Variants in ZNF518A observed in about 807,000 individuals in gnomAD.
ZNF518A encodes zinc finger protein 518A, also known as zinc finger protein 518.
ZNF518A carries 47 observed loss-of-function variants against 102.7 expected under a neutral mutation model. That is an observed-to-expected ratio of 0.46 (90% CI 0.36 to 0.58). ZNF518A has a LOEUF of 0.58. Among genes scored for constraint, ZNF518A ranks in the 20% least tolerant of loss-of-function variants. ZNF518A has a pLI of 0.00. For synonymous variants in ZNF518A, 652 were observed against 594.6 expected (o/e 1.10, Z -1.40); for missense variants, 1,793 against 1,699.8 (o/e 1.05, Z -0.96).
At chr10:96,136,559 C>G (rs1554874499) in intron 3 of ZNF518A, among the ~76,000 whole-genome samples, 1 of 151,612 alleles carries the variant, frequency 6.6e-6, no homozygotes, top group Non-Finnish European at 1.5e-5. Context: ...CTGGCTTATG[C>G]CTGTAGTCCC....
intron 1 of ZNF518A, among the ~76,000 whole-genome samples, chr10:96,131,882 A>G (rs2081355602): frequency 6.6e-6 from 1 of 152,104 alleles, no homozygotes; most frequent in Non-Finnish European, 1.5e-5. Flanking sequence ...TAGATCTATA[A>G]TTTGACTTCA....
At chr10:96,148,125 C>G (rs1190334279) in intron 3 of ZNF518A, among the ~76,000 whole-genome samples, 1 of 152,046 alleles carries the variant, frequency 6.6e-6, no homozygotes, top group Non-Finnish European at 1.5e-5. Context: ...TCTTATATCC[C>G]TAGAAATCAA....
intron 1 of ZNF518A, among the ~76,000 whole-genome samples, chr10:96,190,909 G>T (rs782022452): frequency 3.9e-5 from 6 of 152,138 alleles, no homozygotes; most frequent in Non-Finnish European, 7.4e-5. Flanking sequence ...CTGGCTTTTA[G>T]TCTAGCTTTG....
chr10:96,163,973 CTG>C (rs1377460903), downstream of ZNF518A, among the ~76,000 whole-genome samples: 2 of 152,132 alleles, frequency 1.3e-5, no homozygotes, highest in Admixed American at 6.5e-5. Flanking sequence ...AGTGAAGAGA[CTG>C]TAAATGTAAT....
chr10:96,159,800 C>T lies in ZNF518A; in HGVS notation c.3478C>T (p.Leu1160=), dbSNP rs267602648. 8 of 1,613,528 alleles carry T rather than the reference C, an allele frequency of 5.0e-6. No individual in the cohort carries two copies. The African/African-American group carries it at 1.1e-4, about 22-fold the overall frequency. The change falls in exon 6 of 6, where the codon CTG becomes TTG. Residue 1160 remains leucine (L), a synonymous_variant. Transcript: ENST00000316045. The stretch of plus-strand genomic sequence containing the variant: ...TTTAAATGTGACTGCTGCTAATAAT[C>T]TGTCAGTAAGCAACTCTGCATCCTC... ...PVLNVTAANN[L]SVSNSASSLQ...
intron 1 of ZNF518A, chr10:96,189,983 T>C (rs1365623916): frequency 1.1e-5 from 9 of 838,102 alleles, no homozygotes; most frequent in Non-Finnish European, 1.8e-5. Context: ...TACAGACATT[T>C]TCAAAGGTGC....
chr10:96,173,915 C>G (rs2083188175), intron 1 of ZNF518A, among the ~76,000 whole-genome samples: 1 of 152,000 alleles, frequency 6.6e-6, no homozygotes, highest in South Asian at 2.1e-4. Flanking sequence ...AGTGTGTTCT[C>G]CAACCACAAT....
In ZNF518A at chr10:96,160,166, A is replaced by G; in HGVS notation, c.3844A>G (p.Arg1282Gly). ...AAACAGAAACTGTAAACGAAAGTGT[A>G]GGGATAGTTACCAAGAACCTCCAAG... ...SRNRNCKRKC[R>G]DSYQEPPRRK... Residue 1282 changes from arginine to glycine, a missense_variant, in exon 6 of 6, where the codon AGG becomes GGG. Physicochemically the swap from Arg to Gly is moderately radical, Grantham distance 125. Around this residue, in one of 3 missense-constraint regions of ZNF518A, gnomAD observed 1,741 missense variants for 1,622.6 expected, o/e 1.07. Coordinates refer to ENST00000316045, the MANE Select transcript of ZNF518A (RefSeq NM_001330736.2). 5 of 1,609,730 alleles carry G rather than the reference A, an allele frequency of 3.1e-6. No homozygotes were observed. Among genetic ancestry groups the G allele is most frequent in the Non-Finnish European group, 4.2e-6 (5 of 1,178,134 alleles).
chr10:96,145,071 T>TTGTTGTTGTTGTTGTTGTTGA (rs2082109876), intron 3 of ZNF518A, among the ~76,000 whole-genome samples: 1 of 151,924 alleles, frequency 6.6e-6, no homozygotes, highest in East Asian at 1.9e-4. Context: ...TGTTTTGTTG[T>TTGTTGTTGTTGTTGTTGTTGA]TGTTGTTGTT....
rs587735884 is a variant in ZNF518A at position 96,192,711 on chromosome 10, T to G, written n.36-10863T>G. The stretch of plus-strand genomic sequence containing the variant: ...TATTTTTCCAAATTTTGATCCTTGT[T>G]GTCTATGGGTTTTAATTTAAAATTA... On this transcript the variant is annotated intron_variant and non_coding_transcript_variant, in intron 1 of 2. Transcript: ENST00000442635. Among the ~76,000 whole-genome samples the G allele has an allele frequency of 5.9e-5, 9 of 152,306 alleles. No individual in the cohort carries two copies. The East Asian group carries it at 1.7e-3, about 29-fold the overall frequency.
chr10:96,194,277 G>A (rs587663360), intron 1 of ZNF518A, among the ~76,000 whole-genome samples: 3 of 152,250 alleles, frequency 2.0e-5, no homozygotes, highest in South Asian at 4.2e-4. Context: ...ATGATAATGC[G>A]GTCTACATTT....
chr10:96,136,698 T>C (rs187274283), intron 3 of ZNF518A, among the ~76,000 whole-genome samples: 1 of 152,120 alleles, frequency 6.6e-6, no homozygotes, highest in South Asian at 2.1e-4. Flanking sequence ...AGACTTAAAG[T>C]GATGATTGAT....
intron 3 of ZNF518A, among the ~76,000 whole-genome samples, chr10:96,150,909 T>C (rs1554880213): frequency 6.6e-6 from 1 of 151,668 alleles, no homozygotes. Flanking sequence ...CCCACCACCA[T>C]GCCTGACTAA....
chr10:96,156,939 A>G lies in ZNF518A; in HGVS notation c.617A>G (p.Asn206Ser), dbSNP rs2082722564. 7 of 1,613,770 alleles carry G rather than the reference A, an allele frequency of 4.3e-6. No homozygotes were observed. The highest frequency in any genetic ancestry group is 5.9e-6 in the Non-Finnish European group (7 of 1,179,830). ...ACATCCACACATTGTGTTAATGGTA[A>G]TTTTCAATGTGAAAAGTGTAAGTTC... is the stretch of plus-strand genomic sequence containing the variant. Reference protein sequence around the residue: ...HFTSTHCVNGNFQCEKCKFST... With the variant: ...HFTSTHCVNGSFQCEKCKFST... The change falls in exon 6 of 6, where the codon AAT (asparagine) becomes AGT (serine). Residue 206 changes from asparagine (N) to serine (S), a missense_variant. Physicochemically the swap from Asn to Ser is conservative, Grantham distance 46 (BLOSUM62 1). Coordinates refer to ENST00000316045, the MANE Select transcript of ZNF518A (RefSeq NM_001330736.2).
intron 3 of ZNF518A, among the ~76,000 whole-genome samples, chr10:96,144,282 A>T (rs1425306769): frequency 1.3e-5 from 2 of 152,170 alleles, no homozygotes; most frequent in East Asian, 3.9e-4. Flanking sequence ...CACCATGCCC[A>T]GCCTACAACT....
At chr10:96,174,566 G>T (rs587616878) in intron 1 of ZNF518A, among the ~76,000 whole-genome samples, 1 of 152,222 alleles carries the variant, frequency 6.6e-6, no homozygotes, top group Admixed American at 6.5e-5. Flanking sequence ...AGATGAAATT[G>T]ACAAATTCCT....
chr10:96,185,957 G>A (rs1564805028), intron 1 of ZNF518A, among the ~76,000 whole-genome samples: 1 of 152,228 alleles, frequency 6.6e-6, no homozygotes, highest in Admixed American at 6.5e-5. Flanking sequence ...CCAGGCTGCT[G>A]CCTTGCAGTT....
At position 96,157,154 on chromosome 10, in the gene ZNF518A, G is replaced by T. The variant is rs1554883074; in HGVS notation, c.832G>T (p.Val278Leu). The T allele has an allele frequency of 6.2e-7, 1 of 1,613,446 alleles. No individual in the cohort carries two copies. The highest frequency in any genetic ancestry group is 1.3e-5 in the African/African-American group (1 of 74,894). Residue 278 changes from valine to leucine, a missense_variant, in exon 6 of 6, where the codon GTA (valine) becomes TTA (leucine). Physicochemically the swap from Val to Leu is conservative, Grantham distance 32. This residue lies in a region of ZNF518A where 1,741 missense variants were observed against 1,622.6 expected (regional missense o/e 1.07). Coordinates refer to ENST00000316045, the MANE Select transcript of ZNF518A (RefSeq NM_001330736.2). ...TGGTGCCACCAGGAGAGAACACCTTGTAAGACATGTTATAACTTTGCACAA... is the reference window on the plus strand; with the variant it reads ...TGGTGCCACCAGGAGAGAACACCTTTTAAGACATGTTATAACTTTGCACAA... Reference protein sequence around the residue: ...SYGATRREHLVRHVITLHKEH... With the variant: ...SYGATRREHLLRHVITLHKEH...
intron 3 of ZNF518A, among the ~76,000 whole-genome samples, chr10:96,148,085 G>A (rs2082251957): frequency 6.6e-6 from 1 of 151,834 alleles, no homozygotes; most frequent in Non-Finnish European, 1.5e-5. Flanking sequence ...TTCTTTTGAT[G>A]TTCCCTTTTT....
Sources: gnomAD v4.1 joint callset for allele counts (sites outside exome capture counted in the v4.1 genomes callset) on GRCh38, gnomAD v4.1.1 for gene constraint, gnomAD v4.1.1 regional missense constraint, MANE v1.5 for transcripts, NCBI Gene and HGNC (gene_info 2026-07-23, HGNC 2026-07-21) for gene names.